CACNA2D3: variants seen among roughly 807,000 people sequenced by gnomAD.
The protein encoded by CACNA2D3 is voltage-dependent calcium channel subunit alpha-2/delta-3.
A neutral mutation model predicts 160.6 loss-of-function variants in CACNA2D3; 60 were observed. That is an observed-to-expected ratio of 0.37 (90% CI 0.30 to 0.46). The LOEUF is 0.46. CACNA2D3 is among the 20% of genes least tolerant of loss of function. The pLI, the probability that CACNA2D3 is intolerant of heterozygous loss-of-function variation, is 1.00. For missense variants in CACNA2D3, 1,205 were observed against 1,365.0 expected (o/e 0.88, Z 1.85); for synonymous variants, 558 against 492.9 (o/e 1.13, Z -1.75).
At chr3:54,910,331 T>TGATC (rs1016671987) in intron 27 of CACNA2D3, among the ~76,000 whole-genome samples, 1 of 152,246 alleles carries the variant, frequency 6.6e-6, no homozygotes, top group Admixed American at 6.5e-5. Context: ...TTTATTTGTG[T>TGATC]GATGCATTAC....
chr3:54,581,978 T>A, intron 9 of CACNA2D3, 101 bp downstream of exon 9: 1 of 910,180 alleles, frequency 1.1e-6, no homozygotes, highest in African/African-American at 1.7e-5. Context: ...CACTGCCCTT[T>A]CATTGAGGCC....
At chr3:54,970,902 T>C (rs1194902029) in intron 29 of CACNA2D3, among the ~76,000 whole-genome samples, 2 of 151,994 alleles carry the variant, frequency 1.3e-5, no homozygotes, top group Non-Finnish European at 2.9e-5. Flanking sequence ...TTATATTCCT[T>C]CTGCTTATCA....
intron 35 of CACNA2D3, among the ~76,000 whole-genome samples, chr3:55,038,220 A>T (rs1296213249): frequency 6.6e-6 from 1 of 152,212 alleles, no homozygotes; most frequent in Non-Finnish European, 1.5e-5. Context: ...AGACCCATGC[A>T]TGTGTTTATT....
chr3:54,189,260 G>A (rs1045711443), intron 2 of CACNA2D3, among the ~76,000 whole-genome samples: 1 of 152,174 alleles, frequency 6.6e-6, no homozygotes, highest in Non-Finnish European at 1.5e-5. Context: ...GATAGTCATA[G>A]CTGAAAGGAT....
chr3:54,641,043 A>G (rs894996338), intron 10 of CACNA2D3, among the ~76,000 whole-genome samples: 8 of 120,172 alleles, frequency 6.7e-5, no homozygotes, highest in African/African-American at 1.4e-4. Flanking sequence ...GATCTATTGG[A>G]AAAAAAAAAA....
At chr3:54,553,734 A>G (rs935017897) in intron 5 of CACNA2D3, among the ~76,000 whole-genome samples, 2 of 152,192 alleles carry the variant, frequency 1.3e-5, no homozygotes, top group African/African-American at 2.4e-5. Flanking sequence ...GTGGAGAATA[A>G]ATGGTATTGG....
chr3:54,414,817 TTC>T (rs1369371718), intron 4 of CACNA2D3, among the ~76,000 whole-genome samples: 4 of 142,836 alleles, frequency 2.8e-5, no homozygotes, highest in South Asian at 2.2e-4. Context: ...TTTTTTTTTT[TTC>T]CAACTGGGCT....
chr3:54,736,105 ATATG>A lies in CACNA2D3; in HGVS notation c.1168-16490_1168-16487del, dbSNP rs1553814462. On this transcript the variant is annotated intron_variant, in intron 11 of 37. Transcript: ENST00000474759. ...TATGTATGTGTATATATATACATAT[ATATG>A]TATATATATACATATATATATGTAT... 6.5e-4 allele frequency among the ~76,000 whole-genome samples: 17 copies of A among 25,974 alleles called. 3 individuals carry two copies. The highest frequency in any genetic ancestry group is 2.3e-3 in the Admixed American group (4 of 1,718). The allele number at this position is 25,974 out of a possible 152,430, so 17.0% of individuals were successfully genotyped here.
intron 2 of CACNA2D3, among the ~76,000 whole-genome samples, chr3:54,293,052 C>T (rs1178899747): frequency 6.6e-6 from 1 of 152,100 alleles, no homozygotes; most frequent in Non-Finnish European, 1.5e-5. Context: ...AAACATAATG[C>T]AAAGTGAAAT....
At chr3:54,878,947 G>C in intron 18 of CACNA2D3, 71 bp from the exon 19 acceptor site, 1 of 929,458 alleles carries the variant, frequency 1.1e-6, no homozygotes, top group Non-Finnish European at 1.6e-6. Context: ...ACTGCACGCT[G>C]AGGATGCAAG....
At chr3:54,464,474 A>C (rs1700574202) in intron 4 of CACNA2D3, among the ~76,000 whole-genome samples, 2 of 152,220 alleles carry the variant, frequency 1.3e-5, no homozygotes, top group South Asian at 4.1e-4. Flanking sequence ...AAGCCTGGGC[A>C]ATGGCGAGCG....
intron 35 of CACNA2D3, among the ~76,000 whole-genome samples, chr3:55,022,194 T>G (rs914873640): frequency 6.6e-6 from 1 of 152,090 alleles, no homozygotes; most frequent in Non-Finnish European, 1.5e-5. Context: ...AAGAAATCAT[T>G]CCTGTTATCA....
At chr3:54,677,502 T>C (rs990700857) in intron 11 of CACNA2D3, among the ~76,000 whole-genome samples, 2 of 152,178 alleles carry the variant, frequency 1.3e-5, no homozygotes, top group East Asian at 3.8e-4. Context: ...GCATTGTGAT[T>C]TAACATTCCT....
At chr3:54,655,973 A>C (rs932447599) in intron 11 of CACNA2D3, among the ~76,000 whole-genome samples, 1 of 152,194 alleles carries the variant, frequency 6.6e-6, no homozygotes, top group African/African-American at 2.4e-5. Flanking sequence ...CATTTAGAAA[A>C]TAGGAGACAA....
At chr3:54,727,907 A>T (rs1326367090) in intron 11 of CACNA2D3, among the ~76,000 whole-genome samples, 1 of 152,184 alleles carries the variant, frequency 6.6e-6, no homozygotes, top group Admixed American at 6.5e-5. Flanking sequence ...TCAAGTATAT[A>T]TTAAAAAAAG....
At chr3:54,565,287 G>A (rs1024317967) in intron 6 of CACNA2D3, among the ~76,000 whole-genome samples, 14 of 152,280 alleles carry the variant, frequency 9.2e-5, no homozygotes, top group African/African-American at 2.9e-4. Flanking sequence ...GGTACAGTGC[G>A]TTTCATGCTA....
At chr3:54,552,257 TTAATGTACGCGTATA>T (rs2106687334) in intron 5 of CACNA2D3, among the ~76,000 whole-genome samples, 1 of 152,284 alleles carries the variant, frequency 6.6e-6, no homozygotes, top group South Asian at 2.1e-4. Flanking sequence ...CCTGCCCTCT[TTAATGTACGCGTATA>T]TCCTGAGTAT....
intron 27 of CACNA2D3, among the ~76,000 whole-genome samples, chr3:54,916,510 G>GA (rs560535240): frequency 8.5e-5 from 13 of 152,062 alleles, no homozygotes; most frequent in Non-Finnish European, 1.9e-4. Context: ...TCGATATTCA[G>GA]AAAAAAATTA....
At chr3:54,191,476 A>T (rs1269164788) in intron 2 of CACNA2D3, among the ~76,000 whole-genome samples, 2 of 152,280 alleles carry the variant, frequency 1.3e-5, no homozygotes, top group East Asian at 3.9e-4. Flanking sequence ...CATGCTGAGC[A>T]GTCCAAACCC....
Sources: gnomAD v4.1 joint callset for allele counts (sites outside exome capture counted in the v4.1 genomes callset) on GRCh38, gnomAD v4.1.1 for gene constraint, MANE v1.5 for transcripts, NCBI Gene and HGNC (gene_info 2026-07-23, HGNC 2026-07-21) for gene names.